Variants in S100Z observed in about 807,000 individuals in gnomAD.
S100Z encodes the protein protein S100-Z.
In S100Z, 11 loss-of-function variants were observed where a neutral mutation model predicts 8.5. The ratio of observed to expected loss-of-function variants is 1.30; its 90% CI spans 0.82 to 2.15. The LOEUF (loss-of-function observed/expected upper bound fraction) is 2.15, where lower values mean the gene tolerates loss of function less well. Ranked by LOEUF, S100Z falls within the 30% of genes most tolerant of loss-of-function variation. The pLI is 0.00. For synonymous variants in S100Z, 34 were observed against 43.8 expected, an observed-to-expected ratio of 0.78 and a Z score of 0.89; for missense variants, 126 against 117.9, an observed-to-expected ratio of 1.07 and a Z score of -0.32.
chr5:76,907,067 T>C, intron 4 of S100Z, among the ~76,000 whole-genome samples: 1 of 148,810 alleles, frequency 6.7e-6, no homozygotes. Context: ...CATTTATCAA[T>C]GAATATGGTA....
intron 4 of S100Z, among the ~76,000 whole-genome samples, chr5:76,902,540 T>C (rs1393694753): frequency 6.6e-6 from 1 of 152,242 alleles, no homozygotes; most frequent in Non-Finnish European, 1.5e-5. Flanking sequence ...ATCTCTTCAG[T>C]GCCTCTTTCA....
In S100Z at chr5:76,918,623, C is replaced by T. The variant is rs148772491; in HGVS notation, c.*3-2094C>T. 2.6e-3 allele frequency among the ~76,000 whole-genome samples: 390 copies of T among 152,266 alleles called. 3 individuals are homozygous for T. The highest frequency in any genetic ancestry group is 8.9e-3 in the African/African-American group (370 of 41,546). The stretch of plus-strand genomic sequence containing the variant: ...GTTATACCTGCCTCCAGATGTGCAC[C>T]GACTTCCCCATTATCAACATCTCCC... On this transcript the variant is annotated intron_variant, in intron 4 of 4. Coordinates refer to ENST00000317593, the MANE Select transcript of S100Z (RefSeq NM_130772.4).
intron 4 of S100Z, among the ~76,000 whole-genome samples, chr5:76,895,103 T>C (rs1743992133): frequency 6.6e-6 from 1 of 152,170 alleles, no homozygotes. Context: ...CTCTGCATTG[T>C]CAGTTATTTC....
chr5:76,907,502 AC>A (rs1744498014), intron 4 of S100Z, among the ~76,000 whole-genome samples: 1 of 152,020 alleles, frequency 6.6e-6, no homozygotes, highest in Admixed American at 6.6e-5. Flanking sequence ...ATGTGGTTTC[AC>A]CATGTTAGCC....
At chr5:76,907,313 TG>T (rs1448569828) in intron 4 of S100Z, among the ~76,000 whole-genome samples, 2 of 151,976 alleles carry the variant, frequency 1.3e-5, no homozygotes, top group African/African-American at 4.8e-5. Context: ...GTAATTCTTT[TG>T]TTTTTTTGAG....
chr5:76,878,145 C>A (rs1219870321), intron 4 of S100Z: 2 of 174,080 alleles, frequency 1.1e-5, no homozygotes, highest in Non-Finnish European at 2.4e-5. Context: ...TTGAATTTGG[C>A]AAATTTCTAA....
chr5:76,877,661 T>C lies in S100Z; in HGVS notation c.142-13T>C. 1 of 1,573,540 alleles carries C rather than the reference T, an allele frequency of 6.4e-7. No homozygotes were observed. The highest frequency in any genetic ancestry group is 1.1e-5 in the South Asian group (1 of 88,360). On this transcript the variant is annotated splice_polypyrimidine_tract_variant and intron_variant, in intron 3 of 4. Transcript: ENST00000317593. ...CAGAGCCAGGGAGTTAGAAATTTCCTTTCTCATTTTAGTGCCAAAAGGAAA... is the reference window on the plus strand; with the variant it reads ...CAGAGCCAGGGAGTTAGAAATTTCCCTTCTCATTTTAGTGCCAAAAGGAAA...
At chr5:76,918,754 G>C (rs1218343343) in intron 4 of S100Z, among the ~76,000 whole-genome samples, 1 of 152,096 alleles carries the variant, frequency 6.6e-6, no homozygotes, top group Non-Finnish European at 1.5e-5. Flanking sequence ...ACATTCTATG[G>C]GTTTTGACAA....
At chr5:76,902,483 C>T (rs1270000873) in intron 4 of S100Z, among the ~76,000 whole-genome samples, 1 of 152,214 alleles carries the variant, frequency 6.6e-6, no homozygotes, top group Non-Finnish European at 1.5e-5. Context: ...ACACTGCTGC[C>T]AGGGGTGGGG....
the S100Z span, among the ~76,000 whole-genome samples, chr5:76,944,140 T>C: frequency 4.6e-5 from 7 of 152,128 alleles, no homozygotes; most frequent in Admixed American, 1.3e-4. Flanking sequence ...GCTTGGGCTT[T>C]TAGAGGCCAC....
intron 4 of S100Z, among the ~76,000 whole-genome samples, chr5:76,906,407 C>G (rs1473480596): frequency 6.6e-6 from 1 of 152,118 alleles, no homozygotes; most frequent in Non-Finnish European, 1.5e-5. Context: ...AACTTTGTAG[C>G]CTTTGACCAA....
At chr5:76,880,386 TG>T (rs1199146580) in intron 4 of S100Z, among the ~76,000 whole-genome samples, 30 of 152,204 alleles carry the variant, frequency 2.0e-4, no homozygotes, top group African/African-American at 7.2e-4. Context: ...GGTGAAGTGT[TG>T]GGGTGGCGAA....
At chr5:76,918,631 CCATTATCAACAT>C (rs1353783187) in intron 4 of S100Z, among the ~76,000 whole-genome samples, 1 of 152,200 alleles carries the variant, frequency 6.6e-6, no homozygotes, top group Non-Finnish European at 1.5e-5. Context: ...ACCGACTTCC[CCATTATCAACAT>C]CTCCCACCAC....
chr5:76,912,620 A>C (rs767596539), intron 4 of S100Z, among the ~76,000 whole-genome samples: 3 of 152,258 alleles, frequency 2.0e-5, no homozygotes, highest in Non-Finnish European at 4.4e-5. Flanking sequence ...CTACATGCCC[A>C]TGCTGTAATA....
intron 1 of S100Z, among the ~76,000 whole-genome samples, chr5:76,858,604 G>A (rs886187980): frequency 6.6e-5 from 10 of 151,920 alleles, no homozygotes; most frequent in African/African-American, 2.2e-4. Context: ...CTGCCTGGAC[G>A]ATGACAAGTA....
intron 4 of S100Z, among the ~76,000 whole-genome samples, chr5:76,906,974 GTGTATATATATATATATATATATA>G (rs1344737313): frequency 5.2e-5 from 6 of 114,700 alleles, no homozygotes; most frequent in East Asian, 2.3e-4. Context: ...CATTGTGTGT[GTGTATATATATATATATATATATA>G]TATATATATA....
intron 1 of S100Z, among the ~76,000 whole-genome samples, chr5:76,868,700 G>T (rs1034239559): frequency 6.8e-6 from 1 of 147,196 alleles, no homozygotes; most frequent in East Asian, 2.0e-4. Context: ...CTCGGCTCAC[G>T]GTAACCTCTG....
chr5:76,876,756 T>G (rs1743206715), intron 3 of S100Z, among the ~76,000 whole-genome samples: 1 of 152,208 alleles, frequency 6.6e-6, no homozygotes, highest in Non-Finnish European at 1.5e-5. Context: ...GTACAATTTA[T>G]AATTGTTTTA....
chr5:76,877,945 T>G (rs2150644169), intron 4 of S100Z, 111 bp downstream of exon 4: 1 of 615,658 alleles, frequency 1.6e-6, no homozygotes, highest in East Asian at 2.8e-5. Flanking sequence ...AGCTATAATA[T>G]CCAGTGCATA....
Sources: allele counts gnomAD v4.1 joint callset (sites outside exome capture counted in the v4.1 genomes callset), GRCh38; gene constraint gnomAD v4.1.1; transcripts MANE v1.5; gene names NCBI Gene and HGNC (gene_info 2026-07-23, HGNC 2026-07-21).